OCM: variants seen among roughly 807,000 people sequenced by gnomAD.
OCM encodes oncomodulin.
In OCM, 18 loss-of-function variants were observed where a neutral mutation model predicts 14.1. That is an observed-to-expected ratio of 1.28 (90% CI 0.88 to 1.89). OCM has a LOEUF of 1.89. OCM is among the 40% of genes most tolerant of loss of function. The pLI is 0.00. For synonymous variants in OCM, 48 were observed against 51.0 expected (o/e 0.94, Z 0.25); for missense variants, 140 against 137.6 (o/e 1.02, Z -0.09).
At chr7:5,869,603 A>T in the OCM span, among the ~76,000 whole-genome samples, 3 of 151,986 alleles carry the variant, frequency 2.0e-5, no homozygotes, top group Non-Finnish European at 2.9e-5. Flanking sequence ...AAAAAAGAAA[A>T]TTTAAAAATT....
upstream of OCM, among the ~76,000 whole-genome samples, chr7:5,878,215 G>A (rs1469816024): frequency 2.0e-5 from 3 of 150,952 alleles, no homozygotes; most frequent in Non-Finnish European, 4.4e-5. Context: ...TGCCCACCTC[G>A]GCCTCCCAAA....
At chr7:5,866,885 C>T in the OCM span, among the ~76,000 whole-genome samples, 1 of 152,102 alleles carries the variant, frequency 6.6e-6, no homozygotes, top group African/African-American at 2.4e-5. Context: ...AGGTCCAGTC[C>T]CTATAACCGC....
the OCM span, among the ~76,000 whole-genome samples, chr7:5,861,185 G>C: frequency 6.6e-6 from 1 of 152,114 alleles, no homozygotes; most frequent in African/African-American, 2.4e-5. Flanking sequence ...ACTTTGAGAG[G>C]CTGAAGTAGG....
intron 1 of OCM, among the ~76,000 whole-genome samples, chr7:5,881,843 T>C (rs1302996899): frequency 6.6e-6 from 1 of 151,670 alleles, no homozygotes; most frequent in Non-Finnish European, 1.5e-5. Flanking sequence ...TCCCAACACT[T>C]TGGGAGGCCG....
At chr7:5,880,109 C>T (rs1781178466), upstream of OCM, 1 of 152,188 alleles carries the variant, frequency 6.6e-6, no homozygotes, top group Non-Finnish European at 1.5e-5. Context: ...CATCCATCTG[C>T]TTCCCACCTT....
chr7:5,884,012 G>A lies in OCM; in HGVS notation c.304+13G>A, dbSNP rs535646385. 7.0e-5 allele frequency: 113 copies of A among 1,611,074 alleles called. 3 individuals carry two copies. The South Asian group carries it at 9.5e-4, about 14-fold the overall frequency. On this transcript the variant is annotated intron_variant, in intron 3 of 3. Transcript: ENST00000242104. ...ATTGGAGCAGAGGGTATGTCCACAC[G>A]TGTACGTAGCATAAAACACTCTAGC... is the stretch of plus-strand genomic sequence containing the variant.
At chr7:5,868,700 C>T in the OCM span, among the ~76,000 whole-genome samples, 6 of 152,124 alleles carry the variant, frequency 3.9e-5, no homozygotes, top group Admixed American at 3.9e-4. Flanking sequence ...AGTTAGAAGG[C>T]ACTGGGAACG....
At chr7:5,867,544 G>A in the OCM span, among the ~76,000 whole-genome samples, 1 of 151,932 alleles carries the variant, frequency 6.6e-6, no homozygotes, top group African/African-American at 2.4e-5. Flanking sequence ...ATCCAATGTG[G>A]AAAATTTTCT....
At position 5,880,919 on chromosome 7, in the gene OCM, C is replaced by T. The variant is rs779887828; in HGVS notation, c.30C>T (p.Asp10=). MSITDVLSA[D]DIAAALQECR... ...GCATCACGGACGTGCTCAGTGCTGACGACATTGCAGCAGCGCTCCAGGAAT... is the reference window on the plus strand; with the variant it reads ...GCATCACGGACGTGCTCAGTGCTGATGACATTGCAGCAGCGCTCCAGGAAT... Residue 10 remains aspartate (D), a synonymous_variant, in exon 1 of 4, where the codon GAC becomes GAT. Coordinates refer to ENST00000242104, the MANE Select transcript of OCM (RefSeq NM_001097622.2). The T allele has an allele frequency of 1.6e-5, 26 of 1,613,784 alleles. No homozygotes were observed. Among genetic ancestry groups the T allele is most frequent in the African/African-American group, 1.3e-4 (10 of 74,862 alleles).
chr7:5,880,220 G>A (rs1375371739), upstream of OCM, among the ~76,000 whole-genome samples: 1 of 152,204 alleles, frequency 6.6e-6, no homozygotes, highest in African/African-American at 2.4e-5. Flanking sequence ...TCGGGCTGCT[G>A]TAGGAAAATG....
chr7:5,875,336 T>C (rs1451687870), upstream of OCM, among the ~76,000 whole-genome samples: 1 of 151,446 alleles, frequency 6.6e-6, no homozygotes, highest in East Asian at 1.9e-4. Flanking sequence ...GGATTACAGG[T>C]GTAAGCCACG....
At chr7:5,861,050 G>T in the OCM span, among the ~76,000 whole-genome samples, 2 of 151,982 alleles carry the variant, frequency 1.3e-5, no homozygotes, top group Admixed American at 6.6e-5. Context: ...GACACCAAAT[G>T]TGTGTGCCAC....
chr7:5,868,437 G>A, the OCM span, among the ~76,000 whole-genome samples: 308 of 152,146 alleles, frequency 2.0e-3, 1 homozygote, highest in African/African-American at 7.2e-3. Context: ...GTGAGCCACC[G>A]CGCCCGGCCA....
the OCM span, among the ~76,000 whole-genome samples, chr7:5,869,769 C>T: frequency 2.0e-5 from 3 of 152,082 alleles, no homozygotes; most frequent in Admixed American, 6.6e-5. Flanking sequence ...GCCCATAATC[C>T]GCACGTGCTT....
At chr7:5,881,660 G>C (rs117455176) in intron 1 of OCM, among the ~76,000 whole-genome samples, 3,093 of 126,180 alleles carry the variant, frequency 0.025, 111 homozygotes, top group African/African-American at 0.078. Flanking sequence ...TAAATAAGAG[G>C]TTGGCTGGAA....
chr7:5,861,850 A>G, the OCM span, among the ~76,000 whole-genome samples: 2 of 152,092 alleles, frequency 1.3e-5, no homozygotes, highest in African/African-American at 2.4e-5. Flanking sequence ...AAGCATTGAA[A>G]TTGCAAGCAT....
the OCM span, among the ~76,000 whole-genome samples, chr7:5,870,092 ATTTT>A: frequency 6.6e-6 from 1 of 151,270 alleles, no homozygotes; most frequent in Admixed American, 6.6e-5. Context: ...TTGCAGAATC[ATTTT>A]TTATTTTATT....
chr7:5,864,044 G>C, the OCM span, among the ~76,000 whole-genome samples: 2 of 152,110 alleles, frequency 1.3e-5, no homozygotes, highest in East Asian at 1.9e-4. Flanking sequence ...GGGGAACAAG[G>C]GGGGCAAAGA....
At position 5,880,921 on chromosome 7, in the gene OCM, A is replaced by G. The variant is rs1781199233; in HGVS notation, c.32A>G (p.Asp11Gly). Residue 11 changes from aspartate to glycine, a missense_variant, in exon 1 of 4, where the codon GAC (aspartate) becomes GGC (glycine). Physicochemically the swap from Asp to Gly is moderately conservative, Grantham distance 94. Transcript: ENST00000242104. MSITDVLSAD[D>G]IAAALQECRD... ...ATCACGGACGTGCTCAGTGCTGACGACATTGCAGCAGCGCTCCAGGAATGC... is the reference window on the plus strand; with the variant it reads ...ATCACGGACGTGCTCAGTGCTGACGGCATTGCAGCAGCGCTCCAGGAATGC... 3 of 1,613,928 alleles carry G rather than the reference A, an allele frequency of 1.9e-6. No individual in the cohort carries two copies. Among genetic ancestry groups the G allele is most frequent in the Non-Finnish European group, 2.5e-6 (3 of 1,179,986 alleles).
Sources: gnomAD v4.1 joint callset for allele counts (sites outside exome capture counted in the v4.1 genomes callset) on GRCh38, gnomAD v4.1.1 for gene constraint, MANE v1.5 for transcripts, NCBI Gene and HGNC (gene_info 2026-07-23, HGNC 2026-07-21) for gene names.